The following DEPDC4 variants were observed in gnomAD, a reference collection of about 807,000 sequenced individuals.
DEPDC4 encodes the protein DEP domain-containing protein 4.
In DEPDC4, 52 loss-of-function variants were observed where a neutral mutation model predicts 52.0. That is an observed-to-expected ratio of 1.00 (90% CI 0.80 to 1.26). The LOEUF (loss-of-function observed/expected upper bound fraction) is 1.26. Ranked by LOEUF, DEPDC4 falls within the 50% of genes most tolerant of loss-of-function variation. DEPDC4 has a pLI of 0.00. For synonymous variants in DEPDC4, 201 were observed against 196.8 expected (o/e 1.02, Z -0.18); for missense variants, 530 against 546.9 (o/e 0.97, Z 0.31).
chr12:100,279,478 T>C, the DEPDC4 span, among the ~76,000 whole-genome samples: 2 of 152,236 alleles, frequency 1.3e-5, no homozygotes, highest in African/African-American at 4.8e-5. Context: ...TCTTGGCATG[T>C]CTGATAGTTG....
intron 3 of DEPDC4, among the ~76,000 whole-genome samples, chr12:100,259,083 T>C (rs12813508): frequency 6.9e-6 from 1 of 144,598 alleles, no homozygotes; most frequent in Non-Finnish European, 1.5e-5. Context: ...AAAAAAAAAA[T>C]ATATATATAT....
chr12:100,234,087 A>G (rs1205216442), intron 9 of DEPDC4, among the ~76,000 whole-genome samples: 1 of 151,148 alleles, frequency 6.6e-6, no homozygotes, highest in Non-Finnish European at 1.5e-5. Flanking sequence ...AGCCTGAGTG[A>G]CAGAGTTAGA....
downstream of DEPDC4, among the ~76,000 whole-genome samples, chr12:100,236,695 ACCT>A (rs1194635370): frequency 1.3e-5 from 2 of 151,952 alleles, no homozygotes; most frequent in African/African-American, 4.8e-5. Context: ...ATTAAGTCCC[ACCT>A]ATTTATCTTT....
chr12:100,239,195 G>A (rs1382538601), downstream of DEPDC4, among the ~76,000 whole-genome samples: 2 of 152,054 alleles, frequency 1.3e-5, no homozygotes, highest in Admixed American at 1.3e-4. Context: ...TCCTGCCTCA[G>A]CCTCTCAAGT....
At chr12:100,266,615 C>T (rs564541199) in intron 1 of DEPDC4, among the ~76,000 whole-genome samples, 1 of 152,280 alleles carries the variant, frequency 6.6e-6, no homozygotes, top group South Asian at 2.1e-4. Context: ...GTATTAGAAA[C>T]GCAGATTATC....
intron 1 of DEPDC4, among the ~76,000 whole-genome samples, chr12:100,266,460 G>A (rs2096273891): frequency 6.6e-6 from 1 of 152,138 alleles, no homozygotes; most frequent in African/African-American, 2.4e-5. Context: ...TCCATAGACA[G>A]TCTACCTCTC....
At chr12:100,269,255 T>C (rs534463998), upstream of DEPDC4, among the ~76,000 whole-genome samples, 63 of 152,190 alleles carry the variant, frequency 4.1e-4, no homozygotes, top group Middle Eastern at 6.8e-3. Context: ...TCACCCTGTC[T>C]TTTCTGTTCT....
chr12:100,271,819 TGG>T (rs2096288004), upstream of DEPDC4, among the ~76,000 whole-genome samples: 1 of 152,216 alleles, frequency 6.6e-6, no homozygotes, highest in Non-Finnish European at 1.5e-5. Context: ...AATATATTCT[TGG>T]GGAAGTATAG....
rs1310656618 is a variant in DEPDC4 at position 100,241,340 on chromosome 12, CTTAAAG to C, written c.*546_*551del. On this transcript the variant is annotated 3_prime_UTR_variant, in exon 10 of 10. Transcript: ENST00000550587. ...ACATGAAGGCTAACTTGTATTCCTT[CTTAAAG>C]TTAAAAACTTCCTTAACATATTTTA... 2.0e-5 allele frequency among the ~76,000 whole-genome samples: 3 copies of C among 152,082 alleles called. No individual in the cohort carries two copies. The highest frequency in any genetic ancestry group is 2.9e-5 in the Non-Finnish European group (2 of 68,018).
At chr12:100,239,155 C>T (rs1300530755), downstream of DEPDC4, among the ~76,000 whole-genome samples, 1 of 152,054 alleles carries the variant, frequency 6.6e-6, no homozygotes, top group Non-Finnish European at 1.5e-5. Context: ...CAGCTCACTG[C>T]AACCTCCACC....
intron 3 of DEPDC4, among the ~76,000 whole-genome samples, chr12:100,261,422 T>C (rs547275822): frequency 1.3e-5 from 2 of 152,324 alleles, no homozygotes; most frequent in Admixed American, 1.3e-4. Context: ...TGCTCTTTTA[T>C]CTGCCATTAG....
intron 8 of DEPDC4, among the ~76,000 whole-genome samples, chr12:100,245,680 C>T (rs1289800937): frequency 6.6e-6 from 1 of 152,192 alleles, no homozygotes; most frequent in Admixed American, 6.5e-5. Context: ...TTGTACAGGC[C>T]TACATAATTT....
chr12:100,254,012 T>C (rs1261381138), intron 4 of DEPDC4, among the ~76,000 whole-genome samples: 1 of 152,170 alleles, frequency 6.6e-6, no homozygotes, highest in Non-Finnish European at 1.5e-5. Flanking sequence ...TGTTAGTAGT[T>C]CCCCTCCCTT....
intron 8 of DEPDC4, among the ~76,000 whole-genome samples, chr12:100,247,213 T>G (rs924709172): frequency 2.2e-5 from 3 of 136,042 alleles, no homozygotes; most frequent in Non-Finnish European, 4.8e-5. Context: ...TTTTTTTTTT[T>G]TTTTTTTTTT....
the DEPDC4 span, among the ~76,000 whole-genome samples, chr12:100,280,982 A>G: frequency 7.9e-6 from 1 of 125,966 alleles, no homozygotes; most frequent in Admixed American, 8.0e-5. Context: ...TTCTGACTGT[A>G]TGCTTATGTG....
chr12:100,242,089 A>C lies in DEPDC4; in HGVS notation c.*47-244T>G, dbSNP rs567065248. ...GCAAGAAACTAGTATCCCAGTTTCAAGAGAAATACATAAAAAATTTAAGTG... is the reference window on the plus strand; with the variant it reads ...GCAAGAAACTAGTATCCCAGTTTCACGAGAAATACATAAAAAATTTAAGTG... On this transcript the variant is annotated intron_variant, in intron 9 of 9. Transcript: ENST00000550587. 9.2e-5 allele frequency among the ~76,000 whole-genome samples: 14 copies of C among 152,330 alleles called. No homozygotes were observed. The South Asian group carries it at 2.9e-3, about 32-fold the overall frequency.
At chr12:100,272,642 A>G in the DEPDC4 span, among the ~76,000 whole-genome samples, 12 of 152,158 alleles carry the variant, frequency 7.9e-5, no homozygotes, top group African/African-American at 2.9e-4. Context: ...CTTCCCCTAT[A>G]AAACAACTGG....
At chr12:100,271,448 C>A (rs547539715), upstream of DEPDC4, among the ~76,000 whole-genome samples, 1 of 152,152 alleles carries the variant, frequency 6.6e-6, no homozygotes, top group East Asian at 1.9e-4. Flanking sequence ...ATTAGAATTA[C>A]AAAAATTCAT....
At position 100,256,147 on chromosome 12, in the gene DEPDC4, T is replaced by C. The variant is rs139931496; in HGVS notation, c.780A>G (p.Pro260=). 1.1e-5 allele frequency: 18 copies of C among 1,613,076 alleles called. No individual in the cohort carries two copies. The East Asian group carries it at 1.6e-4, about 14-fold the overall frequency. ...LPFLDNILEP[P]VKTQNLQLNK... ...TTAGTTGAAGATTTTGTGTTTTAAC[T>C]GGAGGCTCCAAAATATTGTCCAAGA... The change falls in exon 4 of 10, where the codon CCA becomes CCG. Residue 260 remains proline, a synonymous_variant. Coordinates refer to ENST00000550587, the MANE Select transcript of DEPDC4 (RefSeq NM_001364818.2).
Sources: allele counts gnomAD v4.1 joint callset (sites outside exome capture counted in the v4.1 genomes callset), GRCh38; gene constraint gnomAD v4.1.1; transcripts MANE v1.5; gene names NCBI Gene and HGNC (gene_info 2026-07-23, HGNC 2026-07-21).